The following RAB2A variants were observed in gnomAD, a reference collection of about 807,000 sequenced individuals.
RAB2A encodes the protein RAB2A, member RAS oncogene family.
A neutral mutation model predicts 32.5 loss-of-function variants in RAB2A; 7 were observed. The ratio of observed to expected loss-of-function variants is 0.22; its 90% CI spans 0.12 to 0.40. RAB2A has a LOEUF of 0.40. Among genes scored for constraint, RAB2A ranks in the 10% least tolerant of loss-of-function variants. The probability of loss-of-function intolerance (pLI) is 1.00; values close to 1 mark genes in which losing one functional copy is unlikely to be tolerated. For missense variants in RAB2A, 108 were observed against 260.7 expected (o/e 0.41, Z 4.03); for synonymous variants, 79 against 85.2 (o/e 0.93, Z 0.40).
intron 6 of RAB2A, among the ~76,000 whole-genome samples, chr8:60,610,784 A>G (rs1804329022): frequency 6.6e-6 from 1 of 152,198 alleles, no homozygotes; most frequent in Non-Finnish European, 1.5e-5. Context: ...ACCCAAGAAA[A>G]TTATGCTAAT....
chr8:60,531,874 C>T (rs1021597519), intron 1 of RAB2A, among the ~76,000 whole-genome samples: 1 of 149,628 alleles, frequency 6.7e-6, no homozygotes, highest in African/African-American at 2.5e-5. Flanking sequence ...GTGATCTTGG[C>T]TCACTGCAAC....
intron 1 of RAB2A, among the ~76,000 whole-genome samples, chr8:60,547,353 C>G (rs1439292409): frequency 1.3e-5 from 2 of 152,242 alleles, no homozygotes; most frequent in Non-Finnish European, 2.9e-5. Context: ...ACCTTTCCCC[C>G]CTTTCTATTC....
chr8:60,594,164 CAT>C (rs1453272257), intron 6 of RAB2A, among the ~76,000 whole-genome samples: 1 of 152,076 alleles, frequency 6.6e-6, no homozygotes, highest in Admixed American at 6.5e-5. Flanking sequence ...TATGATGCAT[CAT>C]AAGTCCTAGA....
chr8:60,579,542 A>G (rs1803703840), intron 3 of RAB2A, among the ~76,000 whole-genome samples: 1 of 152,244 alleles, frequency 6.6e-6, no homozygotes, highest in African/African-American at 2.4e-5. Flanking sequence ...AGAATTTTGT[A>G]TCCTGTTTGG....
intron 6 of RAB2A, among the ~76,000 whole-genome samples, chr8:60,616,708 A>C (rs1001574774): frequency 1.3e-5 from 2 of 152,228 alleles, no homozygotes; most frequent in Admixed American, 6.5e-5. Flanking sequence ...GCAAATTCTC[A>C]TGACCCTCTG....
At chr8:60,562,958 G>A (rs1266534859) in intron 2 of RAB2A, among the ~76,000 whole-genome samples, 4 of 151,710 alleles carry the variant, frequency 2.6e-5, no homozygotes, top group Admixed American at 1.3e-4. Flanking sequence ...GCCTTCATTG[G>A]CCCAAGGCCT....
intron 1 of RAB2A, among the ~76,000 whole-genome samples, chr8:60,531,486 G>A (rs1807475210): frequency 6.6e-6 from 1 of 152,190 alleles, no homozygotes; most frequent in Non-Finnish European, 1.5e-5. Context: ...AAGGTAAGGT[G>A]CCTTGTAAGC....
At chr8:60,529,344 A>G (rs375152670) in intron 1 of RAB2A, among the ~76,000 whole-genome samples, 16 of 152,226 alleles carry the variant, frequency 1.1e-4, no homozygotes, top group African/African-American at 3.4e-4. Flanking sequence ...TATATCTTCT[A>G]TATAGTCTTT....
chr8:60,588,587 A>G (rs1021540812), intron 5 of RAB2A, among the ~76,000 whole-genome samples: 4 of 152,196 alleles, frequency 2.6e-5, no homozygotes, highest in African/African-American at 9.6e-5. Flanking sequence ...CAAAAATACC[A>G]TGTGATTACA....
In RAB2A at chr8:60,591,975, T is replaced by C. The variant is rs767562111; in HGVS notation, c.474+6T>C. On this transcript the variant is annotated splice_donor_region_variant and intron_variant, in intron 6 of 7. Transcript: ENST00000262646. ...CTGCTTCCAATGTAGAAGAGGTAAA[T>C]AAGAGGCCCTTTAAAATCTTCATCT... The C allele has an allele frequency of 6.6e-7, 1 of 1,508,334 alleles. No homozygotes were observed. The highest frequency in any genetic ancestry group is 1.4e-5 in the African/African-American group (1 of 71,890). 93.4% of individuals were successfully genotyped at this position (1,508,334 alleles called of 1,614,324 possible). A position where few individuals can be genotyped will look rare whatever the true frequency, so the allele number is the denominator to read the frequency against.
In RAB2A at chr8:60,556,641, T is replaced by TTA. The variant is rs749763420; in HGVS notation, c.47-2211_47-2210insTA. On this transcript the variant is annotated intron_variant, in intron 1 of 7. Transcript: ENST00000262646. ...ATAGTGAGACCCTACCTCTTTTTAA[T>TTA]AAAAAAAAAAAAAAAAAAAAAGAGG... 1.9e-3 allele frequency among the ~76,000 whole-genome samples: 200 copies of TTA among 106,596 alleles called. 2 individuals carry two copies. Among genetic ancestry groups the TTA allele is most frequent in the Non-Finnish European group, 3.0e-3 (149 of 49,292 alleles). The allele number at this position is 106,596 out of a possible 152,430, so 69.9% of individuals were successfully genotyped here.
intron 3 of RAB2A, among the ~76,000 whole-genome samples, chr8:60,572,549 G>GTTCA (rs1411446853): frequency 1.8e-4 from 27 of 152,086 alleles, no homozygotes; most frequent in African/African-American, 5.6e-4. Flanking sequence ...TCATACCCTT[G>GTTCA]TTCATTGAGT....
intron 5 of RAB2A, among the ~76,000 whole-genome samples, chr8:60,588,948 G>T (rs1242754649): frequency 6.6e-6 from 1 of 152,166 alleles, no homozygotes; most frequent in Admixed American, 6.5e-5. Context: ...ACTTCTTTGT[G>T]TAGAGAAGAA....
At chr8:60,577,591 C>T (rs1206195506) in intron 3 of RAB2A, among the ~76,000 whole-genome samples, 2 of 151,976 alleles carry the variant, frequency 1.3e-5, no homozygotes, top group African/African-American at 4.8e-5. Context: ...AAAATATTTC[C>T]TCTCAATTAT....
chr8:60,521,292 G>T (rs6987523), intron 1 of RAB2A, among the ~76,000 whole-genome samples: 34,725 of 152,068 alleles, frequency 0.23, 4,062 homozygotes, highest in Middle Eastern at 0.38. Context: ...GCCAGAGTGG[G>T]CATGGGGGAA....
chr8:60,518,538 C>G (rs186773544), intron 1 of RAB2A, among the ~76,000 whole-genome samples: 22 of 144,668 alleles, frequency 1.5e-4, no homozygotes, highest in Middle Eastern at 3.4e-3. Context: ...CGCCTGTAAT[C>G]CCAGCCACTT....
chr8:60,561,464 TAAG>T (rs778808883), intron 2 of RAB2A, among the ~76,000 whole-genome samples: 10 of 152,208 alleles, frequency 6.6e-5, no homozygotes, highest in Non-Finnish European at 1.0e-4. Context: ...TCAGAGCTCT[TAAG>T]GAGGGAACCC....
chr8:60,587,146 C>T (rs981164754), intron 5 of RAB2A, among the ~76,000 whole-genome samples: 2 of 152,034 alleles, frequency 1.3e-5, no homozygotes, highest in Non-Finnish European at 2.9e-5. Context: ...AGTCAATTTA[C>T]TATTGTTTGG....
chr8:60,619,978 A>G (rs1804503578), intron 7 of RAB2A, among the ~76,000 whole-genome samples: 2 of 152,278 alleles, frequency 1.3e-5, no homozygotes, highest in South Asian at 4.1e-4. Context: ...AGCTAGTGCC[A>G]GAAACCCCAA....
Sources: gnomAD v4.1 joint callset for allele counts (sites outside exome capture counted in the v4.1 genomes callset) on GRCh38, gnomAD v4.1.1 for gene constraint, MANE v1.5 for transcripts, NCBI Gene and HGNC (gene_info 2026-07-23, HGNC 2026-07-21) for gene names.